NEK1: variants seen among roughly 807,000 people sequenced by gnomAD.
NEK1 encodes NIMA related kinase 1.
Under a neutral mutation model 182.1 loss-of-function variants are expected in NEK1, and 137 were observed. The observed-to-expected ratio is 0.75, with a 90% CI of 0.65 to 0.87. NEK1 has a LOEUF of 0.87. NEK1 is among the 40% of genes least tolerant of loss of function. NEK1 has a pLI of 0.00. For synonymous variants in NEK1, 513 were observed against 492.2 expected (o/e 1.04, Z -0.56); for missense variants, 1,391 against 1,494.4 (o/e 0.93, Z 1.14).
At chr4:169,467,081 T>C (rs1296866743) in intron 26 of NEK1, among the ~76,000 whole-genome samples, 1 of 152,166 alleles carries the variant, frequency 6.6e-6, no homozygotes, top group African/African-American at 2.4e-5. Flanking sequence ...TTCCACTTAA[T>C]AGTAAATATA....
intron 12 of NEK1, among the ~76,000 whole-genome samples, chr4:169,570,525 C>A (rs1222332120): frequency 6.7e-6 from 1 of 149,470 alleles, no homozygotes; most frequent in Non-Finnish European, 1.5e-5. Flanking sequence ...GCCCCCCGCC[C>A]GGCCAGCATA....
At position 169,537,901 on chromosome 4, in the gene NEK1, G is replaced by T. The variant is rs770541681; in HGVS notation, c.1573C>A (p.Gln525Lys). The T allele has an allele frequency of 1.6e-5, 26 of 1,597,694 alleles. No homozygotes were observed. The highest frequency in any genetic ancestry group is 2.1e-5 in the Non-Finnish European group (25 of 1,170,968). ...TGTTTAGCTCTTTCTACAGCTAGCTGCCCTTTTTGCCTAATTTGGACAAAT... is the reference window on the plus strand; with the variant it reads ...TGTTTAGCTCTTTCTACAGCTAGCTTCCCTTTTTGCCTAATTTGGACAAAT... ...KQANANRQKGQLAVERAKQVE... is the reference protein window; with the variant it reads ...KQANANRQKGKLAVERAKQVE... The change falls in exon 19 of 36, where the codon CAG (glutamine) becomes AAG (lysine). Residue 525 changes from glutamine (Q) to lysine (K), a missense_variant. Physicochemically the swap from Gln to Lys is moderately conservative, Grantham distance 53. Coordinates refer to ENST00000507142, the MANE Select transcript of NEK1 (RefSeq NM_001199397.3).
intron 2 of NEK1, among the ~76,000 whole-genome samples, chr4:169,603,539 T>G (rs1770832186): frequency 1.3e-5 from 2 of 152,246 alleles, no homozygotes; most frequent in South Asian, 4.2e-4. Context: ...GAAGAATTAG[T>G]TAATGTAAGA....
intron 2 of NEK1, 111 bp from the exon 3 acceptor site, chr4:169,602,789 A>G (rs1770711300): frequency 1.8e-6 from 1 of 549,036 alleles, no homozygotes; most frequent in East Asian, 3.2e-5. Context: ...AACATTTTAA[A>G]AAAGGATATT....
At position 169,394,328 on chromosome 4, in the gene NEK1, A is replaced by C. The variant is rs1044404904; in HGVS notation, c.*182T>G. Reference sequence around the variant, plus strand: ...TGGAATTCAATGAACAAAATAGATAAAATATTAGAATCTTCACTGAAAAAT... The same window carrying C: ...TGGAATTCAATGAACAAAATAGATACAATATTAGAATCTTCACTGAAAAAT... On this transcript the variant is annotated 3_prime_UTR_variant, in exon 36 of 36. Coordinates refer to ENST00000507142, the MANE Select transcript of NEK1 (RefSeq NM_001199397.3). 3 of 488,292 alleles carry C rather than the reference A, an allele frequency of 6.1e-6. No homozygotes were observed. Among genetic ancestry groups the C allele is most frequent in the African/African-American group, 4.1e-5 (2 of 49,200 alleles). The allele number at this position is 488,292 out of a possible 1,614,324, so 30.2% of individuals were successfully genotyped here.
Position 169,424,579 on chromosome 4 carries a change from C to G in NEK1, c.3196G>C (p.Gly1066Arg). ...KNSLLIGLST[G>R]LFDANNPKML... ...TTTGGGTTGTTTGCATCAAACAGAC[C>G]AGTTGAAAGTCCAATCAGCAAGGAA... Residue 1066 changes from glycine to arginine, a missense_variant, in exon 31 of 36, where the codon GGT (glycine) becomes CGT (arginine). By Grantham distance (125) the Gly-to-Arg change is moderately radical. Transcript: ENST00000507142. 6.2e-7 allele frequency: 1 copy of G among 1,607,560 alleles called. No individual in the cohort carries two copies. The highest frequency in any genetic ancestry group is 8.5e-7 in the Non-Finnish European group (1 of 1,175,272).
intron 10 of NEK1, among the ~76,000 whole-genome samples, chr4:169,584,911 C>T (rs114820224): frequency 0.014 from 2,072 of 152,194 alleles, 26 homozygotes; most frequent in Non-Finnish European, 0.02. Context: ...AAAGGCTGGG[C>T]GAACTGGTTC....
chr4:169,524,918 G>A (rs947924875), intron 19 of NEK1, among the ~76,000 whole-genome samples: 4 of 152,164 alleles, frequency 2.6e-5, no homozygotes, highest in Non-Finnish European at 5.9e-5. Flanking sequence ...ATGCAAAGTT[G>A]AGTAGCTATG....
In NEK1 at chr4:169,463,341, G is replaced by A. The variant is rs778780844; in HGVS notation, c.2489C>T (p.Ala830Val). ...KLGPNGSPRR[A>V]WGKSPTDSVL... ...AGAATCTGTCGGACTTTTCCCCCAG[G>A]CTCTTCTTGGAGATCCATTAGGACC... Residue 830 changes from alanine (A) to valine (V), a missense_variant, in exon 27 of 36, where the codon GCC becomes GTC. Transcript: ENST00000507142. 1 of 1,610,010 alleles carries A rather than the reference G, an allele frequency of 6.2e-7. No individual in the cohort carries two copies. Among genetic ancestry groups the A allele is most frequent in the Admixed American group, 1.7e-5 (1 of 59,784 alleles).
intron 18 of NEK1, among the ~76,000 whole-genome samples, chr4:169,545,027 A>G (rs1580644775): frequency 6.8e-6 from 1 of 146,016 alleles, no homozygotes; most frequent in East Asian, 2.0e-4. Context: ...TAGCTTTTGA[A>G]TTTGTTTGCT....
chr4:169,450,478 C>A (rs1182867025), intron 27 of NEK1, among the ~76,000 whole-genome samples: 1 of 152,226 alleles, frequency 6.6e-6, no homozygotes, highest in African/African-American at 2.4e-5. Context: ...AACAGCAGAT[C>A]TCTCGGCAGA....
chr4:169,569,467 C>CCTCTCTCCCTCT (rs1554070204), intron 12 of NEK1, among the ~76,000 whole-genome samples: 1 of 118,220 alleles, frequency 8.5e-6, no homozygotes, highest in East Asian at 2.4e-4. Flanking sequence ...TCTCTCCCTC[C>CCTCTCTCCCTCT]CTCCCTCTCT....
At chr4:169,401,140 A>G (rs1731609897) in intron 33 of NEK1, among the ~76,000 whole-genome samples, 1 of 152,218 alleles carries the variant, frequency 6.6e-6, no homozygotes, top group Non-Finnish European at 1.5e-5. Flanking sequence ...ATACTTTGAA[A>G]AAAATTACTT....
At chr4:169,597,031 T>G (rs1351891555) in intron 5 of NEK1, among the ~76,000 whole-genome samples, 1 of 151,752 alleles carries the variant, frequency 6.6e-6, no homozygotes, top group Non-Finnish European at 1.5e-5. Context: ...TATCAAAGAG[T>G]AGAATCAAAT....
chr4:169,450,923 AT>A (rs1386632205), intron 27 of NEK1, among the ~76,000 whole-genome samples: 5 of 152,222 alleles, frequency 3.3e-5, no homozygotes, highest in African/African-American at 1.2e-4. Context: ...TAGGCTCAAA[AT>A]AAAGGAATGG....
chr4:169,548,961 T>G (rs1283998126), intron 18 of NEK1, among the ~76,000 whole-genome samples: 2 of 152,192 alleles, frequency 1.3e-5, no homozygotes, highest in Non-Finnish European at 2.9e-5. Flanking sequence ...CTCAGCCCCC[T>G]TTCTAGGGGA....
intron 27 of NEK1, among the ~76,000 whole-genome samples, chr4:169,449,622 T>C (rs1413589705): frequency 1.3e-5 from 2 of 152,120 alleles, no homozygotes; most frequent in Non-Finnish European, 2.9e-5. Flanking sequence ...CAGTAAGGAA[T>C]AGCATCAACA....
intron 27 of NEK1, among the ~76,000 whole-genome samples, chr4:169,445,861 T>C (rs1259235585): frequency 7.6e-6 from 1 of 132,200 alleles, no homozygotes; most frequent in African/African-American, 2.9e-5. Context: ...TATATATATA[T>C]ATATACACAC....
intron 23 of NEK1, among the ~76,000 whole-genome samples, chr4:169,481,134 C>T (rs1747928113): frequency 6.6e-6 from 1 of 152,166 alleles, no homozygotes; most frequent in African/African-American, 2.4e-5. Context: ...GAGATTGTAG[C>T]AATTCAGTCA....
Sources: gnomAD v4.1 joint callset for allele counts (sites outside exome capture counted in the v4.1 genomes callset) on GRCh38, gnomAD v4.1.1 for gene constraint, MANE v1.5 for transcripts, NCBI Gene and HGNC (gene_info 2026-07-23, HGNC 2026-07-21) for gene names.